MYO1D: variants seen among roughly 807,000 people sequenced by gnomAD.
The protein encoded by MYO1D is myosin ID.
MYO1D carries 83 observed loss-of-function variants against 122.0 expected under a neutral mutation model. The observed-to-expected ratio is 0.68, with a 90% CI of 0.57 to 0.82. The LOEUF (loss-of-function observed/expected upper bound fraction) is 0.82. MYO1D is among the 40% of genes least tolerant of loss of function. The pLI, the probability that MYO1D is intolerant of heterozygous loss-of-function variation, is 0.00. For synonymous variants in MYO1D, 464 were observed against 446.9 expected, an observed-to-expected ratio of 1.04 and a Z score of -0.48; for missense variants, 1,157 against 1,269.5, an observed-to-expected ratio of 0.91 and a Z score of 1.35.
intron 21 of MYO1D, among the ~76,000 whole-genome samples, chr17:32,506,430 A>G (rs1909505928): frequency 6.6e-6 from 1 of 151,926 alleles, no homozygotes; most frequent in Non-Finnish European, 1.5e-5. Context: ...CCTTCAGGCA[A>G]GCACAGTGCA....
intron 1 of MYO1D, among the ~76,000 whole-genome samples, chr17:32,835,367 T>G (rs2090813077): frequency 6.6e-6 from 1 of 152,186 alleles, no homozygotes; most frequent in Non-Finnish European, 1.5e-5. Context: ...GTCACAGCAC[T>G]GAAAAACATG....
chr17:32,861,194 G>GAGC (rs1555549393), intron 1 of MYO1D, among the ~76,000 whole-genome samples: 2 of 150,646 alleles, frequency 1.3e-5, no homozygotes, highest in East Asian at 2.0e-4. Flanking sequence ...TCAGCCTCCC[G>GAGC]AGCTGGGACT....
intron 21 of MYO1D, among the ~76,000 whole-genome samples, chr17:32,517,411 C>G (rs1909930183): frequency 6.6e-6 from 1 of 152,170 alleles, no homozygotes; most frequent in Non-Finnish European, 1.5e-5. Flanking sequence ...GAAATGGAAT[C>G]TTTGGGTTTG....
At chr17:32,622,949 G>T (rs1258126767) in intron 20 of MYO1D, among the ~76,000 whole-genome samples, 9 of 152,142 alleles carry the variant, frequency 5.9e-5, no homozygotes, top group Non-Finnish European at 1.2e-4. Flanking sequence ...ACCCCACTGG[G>T]GTGTGATTTT....
chr17:32,695,158 G>C (rs2089155777), intron 16 of MYO1D, among the ~76,000 whole-genome samples: 1 of 152,158 alleles, frequency 6.6e-6, no homozygotes, highest in African/African-American at 2.4e-5. Flanking sequence ...CGGCATGGTG[G>C]GGGTGGGGGT....
intron 19 of MYO1D, among the ~76,000 whole-genome samples, chr17:32,641,577 A>G (rs1184615233): frequency 1.3e-5 from 2 of 152,170 alleles, no homozygotes; most frequent in African/African-American, 4.8e-5. Flanking sequence ...CTATTTCTCC[A>G]CATCCTCTCC....
chr17:32,616,442 G>C (rs949853683), intron 20 of MYO1D, among the ~76,000 whole-genome samples: 3 of 151,840 alleles, frequency 2.0e-5, no homozygotes, highest in African/African-American at 7.3e-5. Context: ...CAAGTAGCTG[G>C]GACTACAGGC....
At chr17:32,503,114 G>T (rs1000628741) in intron 21 of MYO1D, among the ~76,000 whole-genome samples, 3 of 152,206 alleles carry the variant, frequency 2.0e-5, no homozygotes, top group Non-Finnish European at 4.4e-5. Context: ...GTGAGTAAAT[G>T]CAAGACTTGA....
chr17:32,597,811 G>A (rs2087512930), intron 21 of MYO1D, among the ~76,000 whole-genome samples: 1 of 145,704 alleles, frequency 6.9e-6, no homozygotes, highest in African/African-American at 2.5e-5. Context: ...GGAGGTTGCA[G>A]TGAGCCAAGA....
intron 19 of MYO1D, among the ~76,000 whole-genome samples, chr17:32,641,927 T>G (rs1392513236): frequency 6.6e-6 from 1 of 152,336 alleles, no homozygotes; most frequent in East Asian, 1.9e-4. Flanking sequence ...CAGAAGCTCT[T>G]TAGTTTAATT....
chr17:32,819,583 T>A (rs2090642932), intron 1 of MYO1D, among the ~76,000 whole-genome samples: 1 of 152,176 alleles, frequency 6.6e-6, no homozygotes, highest in South Asian at 2.1e-4. Flanking sequence ...GTCCATACTT[T>A]CATCAGATGC....
At chr17:32,620,100 G>A (rs892958761) in intron 20 of MYO1D, among the ~76,000 whole-genome samples, 1 of 152,142 alleles carries the variant, frequency 6.6e-6, no homozygotes, top group Non-Finnish European at 1.5e-5. Flanking sequence ...CATTGACACC[G>A]CTCTTGTGGG....
chr17:32,873,716 T>C (rs138107907), intron 1 of MYO1D, among the ~76,000 whole-genome samples: 47 of 152,316 alleles, frequency 3.1e-4, no homozygotes, highest in Admixed American at 2.0e-3. Context: ...GGGAACCAAC[T>C]ATTTTAATGT....
At chr17:32,568,440 CTG>C (rs2087193769) in intron 21 of MYO1D, among the ~76,000 whole-genome samples, 1 of 152,200 alleles carries the variant, frequency 6.6e-6, no homozygotes, top group Non-Finnish European at 1.5e-5. Context: ...CCTTTGCAAA[CTG>C]TTTTTCTCAT....
intron 16 of MYO1D, among the ~76,000 whole-genome samples, chr17:32,667,185 TATGA>T (rs2088648905): frequency 6.6e-6 from 1 of 152,228 alleles, no homozygotes; most frequent in Non-Finnish European, 1.5e-5. Flanking sequence ...AAATTTAGAA[TATGA>T]CAGTCACATT....
chr17:32,643,536 G>C (rs907970973), intron 19 of MYO1D, among the ~76,000 whole-genome samples: 6 of 152,182 alleles, frequency 3.9e-5, no homozygotes, highest in African/African-American at 1.4e-4. Flanking sequence ...GCATTCAGCT[G>C]TGAATCCTGT....
chr17:32,813,924 A>T (rs562753976), intron 1 of MYO1D, among the ~76,000 whole-genome samples: 1 of 152,316 alleles, frequency 6.6e-6, no homozygotes, highest in Admixed American at 6.5e-5. Context: ...AATCAAGAAT[A>T]ACTAGATTTC....
chr17:32,839,905 A>G (rs1011512031), intron 1 of MYO1D, among the ~76,000 whole-genome samples: 2 of 152,262 alleles, frequency 1.3e-5, no homozygotes, highest in African/African-American at 4.8e-5. Context: ...TACCAGACAC[A>G]TAATGCCAAA....
At chr17:32,705,361 G>GC (rs2089293271) in intron 16 of MYO1D, among the ~76,000 whole-genome samples, 1 of 152,108 alleles carries the variant, frequency 6.6e-6, no homozygotes, top group Non-Finnish European at 1.5e-5. Context: ...CCAGGTTCAC[G>GC]CCATTCTCCT....
Sources: gnomAD v4.1 joint callset for allele counts (sites outside exome capture counted in the v4.1 genomes callset) on GRCh38, gnomAD v4.1.1 for gene constraint, MANE v1.5 for transcripts, NCBI Gene and HGNC (gene_info 2026-07-23, HGNC 2026-07-21) for gene names.